Variants in RAB3C observed in about 807,000 individuals in gnomAD.
RAB3C encodes the protein RAB3C, member RAS oncogene family.
RAB3C carries 17 observed loss-of-function variants against 26.4 expected under a neutral mutation model. The observed-to-expected ratio is 0.64, with a 90% CI of 0.44 to 0.97. The LOEUF is 0.97. Among genes scored for constraint, RAB3C ranks in the 50% least tolerant of loss-of-function variants. RAB3C has a pLI of 0.00. For missense variants in RAB3C, 242 were observed against 281.9 expected, an observed-to-expected ratio of 0.86 and a Z score of 1.01; for synonymous variants, 91 against 95.9, an observed-to-expected ratio of 0.95 and a Z score of 0.30.
intron 3 of RAB3C, among the ~76,000 whole-genome samples, chr5:58,791,759 T>C (rs1742527398): frequency 6.6e-6 from 1 of 152,256 alleles, no homozygotes; most frequent in South Asian, 2.1e-4. Context: ...TATAATGATA[T>C]CTTTTAAAGT....
At chr5:58,750,415 A>G (rs1337884761) in intron 3 of RAB3C, among the ~76,000 whole-genome samples, 1 of 152,200 alleles carries the variant, frequency 6.6e-6, no homozygotes, top group African/African-American at 2.4e-5. Context: ...AATGCATGAT[A>G]TATGTGTTGA....
At chr5:58,674,820 T>C (rs1213033172) in intron 2 of RAB3C, among the ~76,000 whole-genome samples, 1 of 152,030 alleles carries the variant, frequency 6.6e-6, no homozygotes, top group Non-Finnish European at 1.5e-5. Context: ...ATTTGAATTC[T>C]CTTTCAAGCT....
At chr5:58,588,288 T>G (rs1224812093) in intron 1 of RAB3C, among the ~76,000 whole-genome samples, 2 of 152,164 alleles carry the variant, frequency 1.3e-5, no homozygotes, top group East Asian at 3.9e-4. Context: ...TCAAATCTTT[T>G]GCCAAAGTGG....
chr5:58,614,996 A>G (rs542532239), intron 1 of RAB3C, among the ~76,000 whole-genome samples: 63 of 152,294 alleles, frequency 4.1e-4, no homozygotes, highest in African/African-American at 1.4e-3. Flanking sequence ...CATAAGTCAT[A>G]TGTGAATACC....
chr5:58,627,975 G>A (rs1390636378), intron 2 of RAB3C, among the ~76,000 whole-genome samples: 1 of 152,030 alleles, frequency 6.6e-6, no homozygotes, highest in African/African-American at 2.4e-5. Context: ...GGCTAACACG[G>A]TGAAACCCCG....
intron 1 of RAB3C, among the ~76,000 whole-genome samples, chr5:58,596,276 G>C (rs1452871669): frequency 6.6e-6 from 1 of 151,742 alleles, no homozygotes; most frequent in Non-Finnish European, 1.5e-5. Flanking sequence ...GTTCTTGTGA[G>C]GTTTTTCAGC....
intron 3 of RAB3C, among the ~76,000 whole-genome samples, chr5:58,786,091 A>G (rs892972332): frequency 6.6e-6 from 1 of 152,254 alleles, no homozygotes; most frequent in African/African-American, 2.4e-5. Flanking sequence ...CAGAACTGTA[A>G]GATAATAGAC....
chr5:58,665,316 G>T (rs1341097879), intron 2 of RAB3C, among the ~76,000 whole-genome samples: 3 of 152,144 alleles, frequency 2.0e-5, no homozygotes, highest in Non-Finnish European at 2.9e-5. Flanking sequence ...TAAGAGATAA[G>T]TAATACCTGA....
At position 58,627,421 on chromosome 5, in the gene RAB3C, C is replaced by T. The variant is rs551387669; in HGVS notation, c.252+9551C>T. 2.2e-4 allele frequency among the ~76,000 whole-genome samples: 17 copies of T among 78,662 alleles called. No individual in the cohort carries two copies. The South Asian group carries it at 6.1e-3, about 28-fold the overall frequency. The allele number at this position is 78,662 out of a possible 152,430, so 51.6% of individuals were successfully genotyped here. ...CGGAGCTTGCAGTGAGCCGAGATTG[C>T]GCCACTGCAGTCCGCAGTCCGGCCT... On this transcript the variant is annotated intron_variant, in intron 2 of 4. Transcript: ENST00000282878.
intron 3 of RAB3C, among the ~76,000 whole-genome samples, chr5:58,809,790 T>G (rs1299520838): frequency 6.6e-6 from 1 of 152,204 alleles, no homozygotes; most frequent in African/African-American, 2.4e-5. Context: ...GAATCAGTCT[T>G]ACTTTGAGCT....
At chr5:58,796,093 T>C (rs1742641902) in intron 3 of RAB3C, among the ~76,000 whole-genome samples, 1 of 152,164 alleles carries the variant, frequency 6.6e-6, no homozygotes. Context: ...CCCTGTGATT[T>C]TGAGATAAAG....
chr5:58,761,339 A>C (rs1302899814), intron 3 of RAB3C, among the ~76,000 whole-genome samples: 4 of 152,216 alleles, frequency 2.6e-5, no homozygotes, highest in African/African-American at 9.6e-5. Context: ...TAGTTATATA[A>C]TGTGTTCTTT....
intron 1 of RAB3C, among the ~76,000 whole-genome samples, chr5:58,603,623 A>G (rs1167051863): frequency 1.3e-5 from 2 of 152,026 alleles, no homozygotes; most frequent in African/African-American, 4.8e-5. Context: ...TGAGCATTTC[A>G]CATTTCTAAA....
At chr5:58,688,830 T>G (rs1403647242) in intron 2 of RAB3C, among the ~76,000 whole-genome samples, 1 of 152,170 alleles carries the variant, frequency 6.6e-6, no homozygotes, top group African/African-American at 2.4e-5. Flanking sequence ...AATGGTCTCT[T>G]GATGGATCCA....
rs1162670086 is a variant in RAB3C at position 58,853,448 on chromosome 5, C to T, written c.*2097C>T. ...AAGCTTAGAAAGAATATTCTGATGG[C>T]TTTTTCAGAAGGAAGGACCTTGATG... On this transcript the variant is annotated 3_prime_UTR_variant, in exon 5 of 5. Transcript: ENST00000282878. 1 of 152,126 alleles carries T rather than the reference C, an allele frequency of 6.6e-6. No individual in the cohort carries two copies. The highest frequency in any genetic ancestry group is 1.5e-5 in the Non-Finnish European group (1 of 68,024). The allele number at this position is 152,126 out of a possible 1,614,324, so 9.4% of individuals were successfully genotyped here.
At chr5:58,750,442 G>A (rs529386069) in intron 3 of RAB3C, among the ~76,000 whole-genome samples, 1 of 152,040 alleles carries the variant, frequency 6.6e-6, no homozygotes, top group African/African-American at 2.4e-5. Flanking sequence ...TCATTGCCTG[G>A]CCTTGGCCCA....
chr5:58,629,239 T>G (rs1394737481), intron 2 of RAB3C, among the ~76,000 whole-genome samples: 2 of 152,094 alleles, frequency 1.3e-5, no homozygotes, highest in Non-Finnish European at 2.9e-5. Context: ...TAACATTATT[T>G]TGGTTTTGGA....
chr5:58,588,937 A>G (rs1333876758), intron 1 of RAB3C, among the ~76,000 whole-genome samples: 1 of 152,160 alleles, frequency 6.6e-6, no homozygotes, highest in Non-Finnish European at 1.5e-5. Flanking sequence ...CAACCAGTAC[A>G]ATGTTGAATA....
At position 58,633,927 on chromosome 5, in the gene RAB3C, T is replaced by A. The variant is rs1747237069; in HGVS notation, c.252+16057T>A. Among the ~76,000 whole-genome samples the A allele has an allele frequency of 2.0e-5, 3 of 151,834 alleles. No individual in the cohort carries two copies. In the South Asian group the frequency reaches 6.2e-4, roughly 32 times the overall value. On this transcript the variant is annotated intron_variant, in intron 2 of 4. Coordinates refer to ENST00000282878, the MANE Select transcript of RAB3C (RefSeq NM_138453.4). ...GTGGGCGGATCATGAGGTCCAGAGA[T>A]TGAGACCATCCTGGTTAACACGGTG...
Sources: gnomAD v4.1 joint callset for allele counts (sites outside exome capture counted in the v4.1 genomes callset) on GRCh38, gnomAD v4.1.1 for gene constraint, MANE v1.5 for transcripts, NCBI Gene and HGNC (gene_info 2026-07-23, HGNC 2026-07-21) for gene names.